PEDS1: variants seen among roughly 807,000 people sequenced by gnomAD.
PEDS1 encodes the protein plasmanylethanolamine desaturase 1, also known as CarF homolog.
A neutral mutation model predicts 35.2 loss-of-function variants in PEDS1; 14 were observed. The observed-to-expected ratio is 0.40, with a 90% CI of 0.26 to 0.62. The LOEUF is 0.62. Among genes scored for constraint, PEDS1 ranks in the 20% least tolerant of loss-of-function variants. PEDS1 has a pLI of 0.44. For synonymous variants in PEDS1, 152 were observed against 152.0 expected, an observed-to-expected ratio of 1.00 and a Z score of 0.00; for missense variants, 260 against 367.8, an observed-to-expected ratio of 0.71 and a Z score of 2.40.
At chr20:50,134,534 C>T (rs935987552) in intron 2 of PEDS1, among the ~76,000 whole-genome samples, 6 of 152,112 alleles carry the variant, frequency 3.9e-5, no homozygotes, top group African/African-American at 1.4e-4. Context: ...GCAACAAGAG[C>T]AAAACTCTGT....
chr20:50,131,338 C>T (rs1468947997), intron 2 of PEDS1, among the ~76,000 whole-genome samples: 1 of 152,160 alleles, frequency 6.6e-6, no homozygotes, highest in Non-Finnish European at 1.5e-5. Flanking sequence ...GAAAGTACCT[C>T]GGCCAGGTGC....
In PEDS1 at chr20:50,128,805, C is replaced by T. The variant is rs533902313; in HGVS notation, c.479-618G>A. On this transcript the variant is annotated intron_variant, in intron 4 of 5. Transcript: ENST00000371652. This position sits in a 1 kb window ranked among gnomAD's most constrained non-coding sequence, Gnocchi z 5.2. ...AAAGGGACTAGCGTCGGAGGCGTTT[C>T]AGTCACTGGCTCCAGCCTTATCCCA... 6.6e-6 allele frequency among the ~76,000 whole-genome samples: 1 copy of T among 152,206 alleles called. No individual in the cohort carries two copies. The highest frequency in any genetic ancestry group is 2.1e-4 in the South Asian group (1 of 4,828).
In PEDS1 at chr20:50,123,979, C is replaced by G. The variant is rs949032600; in HGVS notation, c.*1079G>C. ...CATGATCAACAGGAAAGACCACTGT[C>G]CTCACCCAATCCCCTCCAAAAGGCT... is the stretch of plus-strand genomic sequence containing the variant. On this transcript the variant is annotated 3_prime_UTR_variant, in exon 6 of 6. Transcript: ENST00000371652. 1 of 152,300 alleles carries G rather than the reference C, an allele frequency of 6.6e-6. No individual in the cohort carries two copies. The highest frequency in any genetic ancestry group is 1.5e-5 in the Non-Finnish European group (1 of 68,044). The allele number at this position is 152,300 out of a possible 1,614,324, so 9.4% of individuals were successfully genotyped here.
chr20:50,138,328 C>T (rs2081257192), intron 2 of PEDS1, among the ~76,000 whole-genome samples: 1 of 152,150 alleles, frequency 6.6e-6, no homozygotes, highest in South Asian at 2.1e-4. Context: ...TAGCCAGAGA[C>T]TCGCTAGAGT....
chr20:50,142,600 G>A (rs1239013934), intron 2 of PEDS1, among the ~76,000 whole-genome samples: 4 of 149,796 alleles, frequency 2.7e-5, no homozygotes, highest in African/African-American at 4.9e-5. Flanking sequence ...CACCACGGCC[G>A]GCTAATTTTT....
chr20:50,138,915 C>A (rs2081263653), intron 2 of PEDS1, among the ~76,000 whole-genome samples: 1 of 152,168 alleles, frequency 6.6e-6, no homozygotes, highest in Admixed American at 6.5e-5. Context: ...AGTCGCTGGG[C>A]CCGTGCGGGC....
At chr20:50,132,759 A>G (rs1016215381) in intron 2 of PEDS1, among the ~76,000 whole-genome samples, 1 of 152,198 alleles carries the variant, frequency 6.6e-6, no homozygotes, top group African/African-American at 2.4e-5. Flanking sequence ...GTAGAGCACT[A>G]CTAAGTGCAG....
intron 1 of PEDS1, among the ~76,000 whole-genome samples, chr20:50,146,152 A>G (rs1262236436): frequency 6.6e-6 from 1 of 152,164 alleles, no homozygotes; most frequent in Non-Finnish European, 1.5e-5. Context: ...GCAGGTGAGA[A>G]GGGCTCCTCC....
intron 1 of PEDS1, among the ~76,000 whole-genome samples, chr20:50,145,780 A>G (rs1265584641): frequency 3.3e-5 from 5 of 152,228 alleles, no homozygotes; most frequent in Non-Finnish European, 7.3e-5. Context: ...CTGCTCCATA[A>G]GGCACAGAAG....
At chr20:50,146,785 T>C (rs148412434) in intron 1 of PEDS1, among the ~76,000 whole-genome samples, 249 of 152,234 alleles carry the variant, frequency 1.6e-3, no homozygotes, top group East Asian at 2.3e-3. Context: ...AGAGGTCACA[T>C]AGCAGAGGTC....
chr20:50,131,137 G>T, intron 2 of PEDS1, 190 bp from the exon 3 acceptor site: 1 of 1,425,292 alleles, frequency 7.0e-7, no homozygotes, highest in Non-Finnish European at 9.7e-7. Flanking sequence ...TACTTGCTGT[G>T]CTCGGGGAGA....
At chr20:50,146,092 C>G (rs1382411480) in intron 1 of PEDS1, among the ~76,000 whole-genome samples, 1 of 152,202 alleles carries the variant, frequency 6.6e-6, no homozygotes, top group Non-Finnish European at 1.5e-5. Flanking sequence ...CCCAGGCCCC[C>G]ACTTAAGCAG....
intron 2 of PEDS1, chr20:50,131,223 T>C: frequency 2.9e-6 from 2 of 694,366 alleles, no homozygotes; most frequent in Non-Finnish European, 5.0e-6. Flanking sequence ...CTTTCCCTAT[T>C]AGGAGCAGGC....
intron 1 of PEDS1, among the ~76,000 whole-genome samples, chr20:50,148,297 C>G (rs2081367060): frequency 6.6e-6 from 1 of 152,162 alleles, no homozygotes; most frequent in Non-Finnish European, 1.5e-5. Flanking sequence ...CAGCATGGAT[C>G]ATCAGCCTGG....
Position 50,128,233 on chromosome 20 carries a change from CG to C in PEDS1, c.479-47del, listed in dbSNP as rs926109399. The stretch of plus-strand genomic sequence containing the variant: ...GGGCCGGCACAGCTGTCACTCGGGA[CG>C]GGGAACCCACCCCAAATGGCCCTCA... On this transcript the variant is annotated intron_variant, in intron 4 of 5. Transcript: ENST00000371652. The surrounding 1 kb of genome is among the most constrained non-coding windows in gnomAD (Gnocchi z 5.2). The C allele has an allele frequency of 1.1e-4, 171 of 1,606,384 alleles. No homozygotes were observed. Among genetic ancestry groups the C allele is most frequent in the Non-Finnish European group, 1.4e-4 (163 of 1,176,634 alleles).
In PEDS1 at chr20:50,129,431, G is replaced by A. The variant is rs142846040; in HGVS notation, c.478+115C>T. The A allele has an allele frequency of 4.9e-4, 696 of 1,424,348 alleles. 7 individuals carry two copies. In the East Asian group the frequency reaches 0.012, roughly 24 times the overall value. 88.2% of individuals were successfully genotyped at this position (1,424,348 alleles called of 1,614,324 possible). On this transcript the variant is annotated intron_variant, in intron 4 of 5. Coordinates refer to ENST00000371652, the MANE Select transcript of PEDS1 (RefSeq NM_199129.4). This position sits in a 1 kb window ranked among gnomAD's most constrained non-coding sequence, Gnocchi z 4.2. Reference sequence around the variant, plus strand: ...CTGATTTTACATGAAGACAATGAATGAAAACTCTTTTAAAATACCATAAGG... The same window carrying A: ...CTGATTTTACATGAAGACAATGAATAAAAACTCTTTTAAAATACCATAAGG...
At chr20:50,130,074 T>C (rs2081158454) in intron 3 of PEDS1, among the ~76,000 whole-genome samples, 1 of 152,016 alleles carries the variant, frequency 6.6e-6, no homozygotes, top group Non-Finnish European at 1.5e-5. Context: ...CAGCCTCCCC[T>C]CCTTAGTCCA....
chr20:50,134,221 A>T (rs1286427833), intron 2 of PEDS1, among the ~76,000 whole-genome samples: 1 of 152,206 alleles, frequency 6.6e-6, no homozygotes, highest in Non-Finnish European at 1.5e-5. Context: ...GACTAATGAC[A>T]TCTCTAAATG....
chr20:50,132,544 C>T (rs6095775), intron 2 of PEDS1, among the ~76,000 whole-genome samples: 2,146 of 152,296 alleles, frequency 0.014, 58 homozygotes, highest in African/African-American at 0.047. Context: ...AATGTCCTCC[C>T]TGGACACCTG....
Sources: gnomAD v4.1 joint callset for allele counts (sites outside exome capture counted in the v4.1 genomes callset) on GRCh38, gnomAD v4.1.1 for gene constraint, Gnocchi (gnomAD v3.1) non-coding constraint, MANE v1.5 for transcripts, NCBI Gene and HGNC (gene_info 2026-07-23, HGNC 2026-07-21) for gene names.